Variants in CLSTN3 observed in about 807,000 individuals in gnomAD.
The protein encoded by CLSTN3 is calsyntenin-3.
In CLSTN3, 36 loss-of-function variants were observed where a neutral mutation model predicts 95.9. The ratio of observed to expected loss-of-function variants is 0.38; its 90% CI spans 0.29 to 0.50. CLSTN3 has a LOEUF of 0.50. Among genes scored for constraint, CLSTN3 ranks in the 20% least tolerant of loss-of-function variants. CLSTN3 has a pLI of 0.95. For missense variants in CLSTN3, 1,084 were observed against 1,268.8 expected (o/e 0.85, Z 2.21); for synonymous variants, 481 against 504.0 (o/e 0.95, Z 0.61).
chr12:7,132,645 C>T (rs1484598531), intron 1 of CLSTN3: 1 of 511,276 alleles, frequency 2.0e-6, no homozygotes, highest in Non-Finnish European at 3.5e-6. Flanking sequence ...TTCCCAGGGC[C>T]TTCTCACAGC....
Position 7,133,166 on chromosome 12 carries a change from G to C in CLSTN3, c.187+20G>C, listed in dbSNP as rs1233926582. 2 of 1,613,770 alleles carry C rather than the reference G, an allele frequency of 1.2e-6. No homozygotes were observed. The highest frequency in any genetic ancestry group is 1.7e-6 in the Non-Finnish European group (2 of 1,179,904). On this transcript the variant is annotated intron_variant, in intron 2 of 17. Transcript: ENST00000266546. This position sits in a 1 kb window ranked among gnomAD's most constrained non-coding sequence, Gnocchi z 4.7. Reference sequence around the variant, plus strand: ...ATGCAGGTAATTGGGATTGGGGGATGGCAAGGCAGGGTAGGACAGAGAAAA... The same window carrying C: ...ATGCAGGTAATTGGGATTGGGGGATCGCAAGGCAGGGTAGGACAGAGAAAA...
At chr12:7,139,448 A>G (rs754214722) in intron 8 of CLSTN3, among the ~76,000 whole-genome samples, 1 of 152,134 alleles carries the variant, frequency 6.6e-6, no homozygotes, top group Non-Finnish European at 1.5e-5. Context: ...CCAAGCATGG[A>G]AAGAGGGCCA....
Position 7,157,449 on chromosome 12 carries a change from G to T in CLSTN3, c.2528-40G>T. The T allele has an allele frequency of 6.6e-7, 1 of 1,512,958 alleles. No homozygotes were observed. The highest frequency in any genetic ancestry group is 8.9e-7 in the Non-Finnish European group (1 of 1,127,448). The allele number at this position is 1,512,958 out of a possible 1,614,324, so 93.7% of individuals were successfully genotyped here. A position where few individuals can be genotyped will look rare whatever the true frequency, so the allele number is the denominator to read the frequency against. ...CCCCTGTCCAAGTGCCCCCAGGTGT[G>T]CCTAGTCACGCTCTGCTCACCCCCG... is the stretch of plus-strand genomic sequence containing the variant. On this transcript the variant is annotated intron_variant, in intron 16 of 17. Transcript: ENST00000266546. The surrounding 1 kb of genome is among the most constrained non-coding windows in gnomAD (Gnocchi z 5.9).
intron 1 of CLSTN3, among the ~76,000 whole-genome samples, chr12:7,132,156 G>A (rs1052130519): frequency 6.6e-6 from 1 of 152,144 alleles, no homozygotes; most frequent in Admixed American, 6.5e-5. Flanking sequence ...TGAATTGGCT[G>A]GTGGTTGAAG....
Position 7,135,531 on chromosome 12 carries a change from T to A in CLSTN3, c.588T>A (p.Asn196Lys). ...CCAACACCCCTTTCCTCATTGACAA[T>A]GACGGTGAGTCCACCCCTGGCTTCC... The part of the protein sequence containing the change: ...LTPNTPFLID[N>K]DGNIENTEKL... The change falls in exon 4 of 18, where the codon AAT becomes AAA. Residue 196 changes from asparagine to lysine, a missense_variant. Coordinates refer to ENST00000266546, the MANE Select transcript of CLSTN3 (RefSeq NM_014718.4). The A allele has an allele frequency of 6.2e-7, 1 of 1,614,008 alleles. No homozygotes were observed. Among genetic ancestry groups the A allele is most frequent in the Non-Finnish European group, 8.5e-7 (1 of 1,179,944 alleles).
intron 16 of CLSTN3, chr12:7,155,758 G>A (rs932089224): frequency 2.3e-5 from 4 of 171,476 alleles, no homozygotes; most frequent in Non-Finnish European, 2.5e-5. Flanking sequence ...AGCAGAGTCC[G>A]TTCTAATTGG....
intron 12 of CLSTN3, among the ~76,000 whole-genome samples, chr12:7,147,681 A>AT (rs1428751906): frequency 7.3e-5 from 11 of 151,316 alleles, no homozygotes; most frequent in African/African-American, 1.9e-4. Flanking sequence ...CACCTGGATA[A>AT]TTTTTGTATT....
intron 16 of CLSTN3, chr12:7,156,620 A>T (rs1239912145): frequency 2.2e-6 from 1 of 456,492 alleles, no homozygotes. Context: ...GGGCGTGGCA[A>T]CCTTTGTGCA....
At position 7,158,046 on chromosome 12, in the gene CLSTN3, A is replaced by G. The variant is rs747649733; in HGVS notation, c.2836A>G (p.Arg946Gly). ...EVADSPSSDERRIIETPPHRY is the reference protein window; with the variant it reads ...EVADSPSSDEGRIIETPPHRY ...GGCCGATTCCCCCAGCAGCGACGAG[A>G]GACGCATCATCGAGACCCCCCCACA... Residue 946 changes from arginine to glycine, a missense_variant, in exon 18 of 18, where the codon AGA (arginine) becomes GGA (glycine). By Grantham distance (125) the Arg-to-Gly change is moderately radical. Coordinates refer to ENST00000266546, the MANE Select transcript of CLSTN3 (RefSeq NM_014718.4). The G allele has an allele frequency of 4.5e-6, 7 of 1,547,742 alleles. No individual in the cohort carries two copies. In the East Asian group the frequency reaches 9.8e-5, roughly 22 times the overall value.
In CLSTN3 at chr12:7,133,613, C is replaced by G. The variant is rs1939347082; in HGVS notation, c.228C>G (p.Pro76=). The G allele has an allele frequency of 6.2e-7, 1 of 1,613,920 alleles. No homozygotes were observed. The highest frequency in any genetic ancestry group is 8.5e-7 in the Non-Finnish European group (1 of 1,180,012). Residue 76 remains proline (P), a synonymous_variant, in exon 3 of 18, where the codon CCC becomes CCG. Transcript: ENST00000266546. This position sits in a 1 kb window ranked among gnomAD's most constrained non-coding sequence, Gnocchi z 4.7. ...CGFRLHGSGV[P]FEAVILDKAT... ...TCCGGCTCCATGGGTCTGGGGTGCC[C>G]TTTGAGGCTGTGATCCTTGACAAGG... is the stretch of plus-strand genomic sequence containing the variant.
intron 9 of CLSTN3, 56 bp from the exon 10 acceptor site, chr12:7,142,030 A>G (rs1177347196): frequency 1.2e-5 from 16 of 1,372,580 alleles, no homozygotes; most frequent in Non-Finnish European, 1.6e-5. Flanking sequence ...CTCTCTGTCA[A>G]TCTCTCCACA....
chr12:7,135,744 C>T, intron 4 of CLSTN3, 60 bp from the exon 5 acceptor site: 3 of 1,539,164 alleles, frequency 1.9e-6, no homozygotes, highest in South Asian at 1.3e-5. Context: ...GACATCCTCC[C>T]CTCCCTGCCC....
At chr12:7,155,597 G>C (rs748301601) in intron 16 of CLSTN3, among the ~76,000 whole-genome samples, 2 of 152,264 alleles carry the variant, frequency 1.3e-5, no homozygotes, top group Admixed American at 1.3e-4. Flanking sequence ...GTCTGTTGAC[G>C]TGGAGACCTG....
rs867005822 is a variant in CLSTN3, at chr12:7,141,824, T to C, written c.1487-262T>C. On this transcript the variant is annotated intron_variant, in intron 9 of 17. Coordinates refer to ENST00000266546, the MANE Select transcript of CLSTN3 (RefSeq NM_014718.4). This position sits in a 1 kb window ranked among gnomAD's most constrained non-coding sequence, Gnocchi z 4.1. ...GTGTGTGTGCACATGTGCCTGTCTG[T>C]CTTACCAGAGCCCACGTGTTTCCTC... 3.3e-5 allele frequency among the ~76,000 whole-genome samples: 5 copies of C among 152,206 alleles called. No individual in the cohort carries two copies. Among genetic ancestry groups the C allele is most frequent in the African/African-American group, 7.2e-5 (3 of 41,436 alleles).
rs766942980 is a variant in CLSTN3, at chr12:7,142,926, G to A, written c.1598G>A (p.Arg533His). 2.5e-6 allele frequency: 4 copies of A among 1,613,952 alleles called. No homozygotes were observed. The highest frequency in any genetic ancestry group is 1.7e-5 in the Admixed American group (1 of 59,986). The stretch of plus-strand genomic sequence containing the variant: ...GGCTACCTGGCTGGTTTCAGCGTGC[G>A]CTCAGGTCGCCTGGAGAGCCGCGAG... ...FHGYLAGFSVRSGRLESREVI... is the reference protein window; with the variant it reads ...FHGYLAGFSVHSGRLESREVI... Residue 533 changes from arginine (R) to histidine (H), a missense_variant, in exon 11 of 18, where the codon CGC (arginine) becomes CAC (histidine). Physicochemically the swap from Arg to His is conservative, Grantham distance 29. Transcript: ENST00000266546.
upstream of CLSTN3, chr12:7,130,303 T>TCC (rs1174430972): frequency 1.7e-3 from 1,287 of 779,010 alleles, 35 homozygotes; most frequent in Admixed American, 0.016. Context: ...CAGCACCTGG[T>TCC]CCCCCCCCCT....
rs899264470 is a variant in CLSTN3 at position 7,141,627 on chromosome 12, C to G, written c.1486+223C>G. Among the ~76,000 whole-genome samples, 3 of 152,210 alleles carry G rather than the reference C, an allele frequency of 2.0e-5. No individual in the cohort carries two copies. The highest frequency in any genetic ancestry group is 4.4e-5 in the Non-Finnish European group (3 of 68,042). On this transcript the variant is annotated intron_variant, in intron 9 of 17. Transcript: ENST00000266546. The surrounding 1 kb of genome is among the most constrained non-coding windows in gnomAD (Gnocchi z 4.1). ...ACCTCTGACTTGGAGGAATTAACTT[C>G]TCACGCATCCCCAGACTCTCTCTCT...
Position 7,133,422 on chromosome 12 carries a change from A to C in CLSTN3, c.188-151A>C. ...GTTGCTGCTCAGGGAAGCTGGGCTTAGAGTTGCGTGTTTGATCATTAATGC... is the reference window on the plus strand; with the variant it reads ...GTTGCTGCTCAGGGAAGCTGGGCTTCGAGTTGCGTGTTTGATCATTAATGC... On this transcript the variant is annotated intron_variant, in intron 2 of 17. Transcript: ENST00000266546. The surrounding 1 kb of genome is among the most constrained non-coding windows in gnomAD (Gnocchi z 4.7). 1 of 812,872 alleles carries C rather than the reference A, an allele frequency of 1.2e-6. No individual in the cohort carries two copies. Among genetic ancestry groups the C allele is most frequent in the Non-Finnish European group, 1.9e-6 (1 of 518,518 alleles). The allele number at this position is 812,872 out of a possible 1,614,324, so 50.4% of individuals were successfully genotyped here.
At chr12:7,144,898 T>G (rs1939597495) in intron 12 of CLSTN3, among the ~76,000 whole-genome samples, 1 of 152,094 alleles carries the variant, frequency 6.6e-6, no homozygotes, top group South Asian at 2.1e-4. Context: ...TCACAGGCAG[T>G]TGAGTTAATG....
Sources: gnomAD v4.1 joint callset for allele counts (sites outside exome capture counted in the v4.1 genomes callset) on GRCh38, gnomAD v4.1.1 for gene constraint, Gnocchi (gnomAD v3.1) non-coding constraint, MANE v1.5 for transcripts, NCBI Gene and HGNC (gene_info 2026-07-23, HGNC 2026-07-21) for gene names.